The following SGSM1 variants were observed in gnomAD, a reference collection of about 807,000 sequenced individuals.
The protein encoded by SGSM1 is small G protein signaling modulator 1.
A neutral mutation model predicts 133.8 loss-of-function variants in SGSM1; 73 were observed. The ratio of observed to expected loss-of-function variants is 0.55; its 90% CI spans 0.45 to 0.66. SGSM1 has a LOEUF of 0.66. Among genes scored for constraint, SGSM1 ranks in the 30% least tolerant of loss-of-function variants. The pLI, the probability that SGSM1 is intolerant of heterozygous loss-of-function variation, is 0.00. For synonymous variants in SGSM1, 563 were observed against 573.0 expected (o/e 0.98, Z 0.25); for missense variants, 1,213 against 1,448.1 (o/e 0.84, Z 2.64).
intron 22 of SGSM1, among the ~76,000 whole-genome samples, chr22:24,913,683 A>T (rs1037302498): frequency 6.6e-6 from 1 of 152,210 alleles, no homozygotes; most frequent in Non-Finnish European, 1.5e-5. Context: ...AGAGTAATAT[A>T]ATGAACACCC....
At chr22:24,894,734 A>G (rs1932876175) in intron 17 of SGSM1, among the ~76,000 whole-genome samples, 2 of 152,184 alleles carry the variant, frequency 1.3e-5, no homozygotes, top group Non-Finnish European at 2.9e-5. Flanking sequence ...AGAAAGCGGA[A>G]ATGCACAAGG....
intron 16 of SGSM1, among the ~76,000 whole-genome samples, chr22:24,890,246 A>G (rs180857077): frequency 2.8e-3 from 432 of 151,836 alleles, no homozygotes; most frequent in East Asian, 5.1e-3. Flanking sequence ...ATGAGCCACC[A>G]CGCCCGGACT....
intron 8 of SGSM1, among the ~76,000 whole-genome samples, chr22:24,857,653 C>G (rs888224304): frequency 1.6e-4 from 25 of 152,210 alleles, no homozygotes; most frequent in African/African-American, 5.8e-4. Context: ...GTTCCATCTT[C>G]CGTATCACTT....
intron 16 of SGSM1, among the ~76,000 whole-genome samples, chr22:24,890,562 G>GA (rs1932797861): frequency 1.3e-5 from 2 of 151,328 alleles, no homozygotes; most frequent in Admixed American, 6.6e-5. Context: ...TTTTTTTGAG[G>GA]TGGAGTCTCG....
At chr22:24,807,309 G>A (rs564678873) in intron 2 of SGSM1, among the ~76,000 whole-genome samples, 1 of 149,398 alleles carries the variant, frequency 6.7e-6, no homozygotes, top group Admixed American at 6.7e-5. Flanking sequence ...GAGTGTGTGC[G>A]TATGAGAATG....
At chr22:24,857,364 C>T (rs1202166404) in intron 8 of SGSM1, among the ~76,000 whole-genome samples, 1 of 144,386 alleles carries the variant, frequency 6.9e-6, no homozygotes, top group Non-Finnish European at 1.5e-5. Context: ...GCCAAGCTCG[C>T]ACCACTGCAC....
chr22:24,890,593 T>C (rs572397076), intron 16 of SGSM1, among the ~76,000 whole-genome samples: 12 of 152,216 alleles, frequency 7.9e-5, no homozygotes, highest in Non-Finnish European at 1.8e-4. Context: ...CAGGCTGGAG[T>C]GCAGTGGTGC....
intron 4 of SGSM1, 53 bp from the exon 5 acceptor site, chr22:24,850,227 T>A: frequency 6.6e-7 from 1 of 1,520,950 alleles, no homozygotes; most frequent in South Asian, 1.2e-5. Context: ...CAATTAGTCC[T>A]GTGTAGATTT....
chr22:24,833,518 C>A (rs552071008), intron 2 of SGSM1, among the ~76,000 whole-genome samples: 1 of 151,862 alleles, frequency 6.6e-6, no homozygotes, highest in African/African-American at 2.4e-5. Flanking sequence ...ATCAGCTGGG[C>A]GTGGTGGCCA....
Position 24,868,523 on chromosome 22 carries a change from G to T in SGSM1, c.1142G>T (p.Trp381Leu), listed in dbSNP as rs773319199. ...CATGGGCAGTTGGACCCGCCACTGT[G>T]GTCCCAGAGGGGTAAGGTGAGTGAT... ...LPHGQLDPPL[W>L]SQRGKGKVFP... The change falls in exon 11 of 25, where the codon TGG becomes TTG. Residue 381 changes from tryptophan (W) to leucine (L), a missense_variant. Physicochemically the swap from Trp to Leu is moderately conservative, Grantham distance 61 (BLOSUM62 -2). Coordinates refer to ENST00000400358, the MANE Select transcript of SGSM1 (RefSeq NM_001098497.3). 6.2e-7 allele frequency: 1 copy of T among 1,613,952 alleles called. No homozygotes were observed. The highest frequency in any genetic ancestry group is 8.5e-7 in the Non-Finnish European group (1 of 1,179,878).
intron 8 of SGSM1, chr22:24,856,119 A>G (rs1430357911): frequency 2.8e-6 from 1 of 357,842 alleles, no homozygotes; most frequent in Non-Finnish European, 5.5e-6. Context: ...CCAGGCTTCT[A>G]TCCATCTGTT....
chr22:24,874,603 C>T (rs1228362669), intron 12 of SGSM1: 2 of 1,558,414 alleles, frequency 1.3e-6, no homozygotes, highest in Admixed American at 3.9e-5. Flanking sequence ...TCTCCCCGTC[C>T]CCAGGGGCTG....
chr22:24,857,569 T>C (rs1022339934), intron 8 of SGSM1, among the ~76,000 whole-genome samples: 1 of 152,220 alleles, frequency 6.6e-6, no homozygotes, highest in Non-Finnish European at 1.5e-5. Context: ...ATATCACTTT[T>C]ATAAGTAACA....
At chr22:24,879,285 C>T (rs1254424656) in intron 13 of SGSM1, among the ~76,000 whole-genome samples, 177 bp from the exon 14 acceptor site, 3 of 152,108 alleles carry the variant, frequency 2.0e-5, no homozygotes, top group Admixed American at 2.0e-4. Context: ...ATCAGGGGGC[C>T]GGTACCAGAA....
intron 24 of SGSM1, among the ~76,000 whole-genome samples, chr22:24,920,940 G>A (rs1044581551): frequency 2.0e-5 from 3 of 152,054 alleles, no homozygotes; most frequent in Admixed American, 6.6e-5. Flanking sequence ...TAAACTACAG[G>A]CTTTATTTGG....
At chr22:24,808,641 C>A (rs574878551) in intron 2 of SGSM1, among the ~76,000 whole-genome samples, 1 of 152,318 alleles carries the variant, frequency 6.6e-6, no homozygotes, top group South Asian at 2.1e-4. Context: ...AGTAAGACAT[C>A]TGGGGAAGGC....
chr22:24,845,218 C>T (rs564243602), intron 3 of SGSM1, among the ~76,000 whole-genome samples: 35 of 152,244 alleles, frequency 2.3e-4, no homozygotes, highest in Admixed American at 9.2e-4. Flanking sequence ...CCATTCACAC[C>T]GACCACACCC....
intron 2 of SGSM1, among the ~76,000 whole-genome samples, chr22:24,829,411 A>G (rs1040029955): frequency 5.9e-5 from 9 of 152,194 alleles, no homozygotes; most frequent in African/African-American, 2.2e-4. Flanking sequence ...GCAGAAAAAA[A>G]TAACTTGGCT....
At chr22:24,851,700 G>T (rs1369565785) in intron 5 of SGSM1, among the ~76,000 whole-genome samples, 1 of 152,164 alleles carries the variant, frequency 6.6e-6, no homozygotes, top group African/African-American at 2.4e-5. Flanking sequence ...GTTCCAAGGG[G>T]GCGTGGTGGC....
Sources: gnomAD v4.1 joint callset for allele counts (sites outside exome capture counted in the v4.1 genomes callset) on GRCh38, gnomAD v4.1.1 for gene constraint, MANE v1.5 for transcripts, NCBI Gene and HGNC (gene_info 2026-07-23, HGNC 2026-07-21) for gene names.